IL1RAPL1: variants seen among roughly 807,000 people sequenced by gnomAD.
IL1RAPL1 encodes the protein interleukin-1 receptor accessory protein-like 1.
A neutral mutation model predicts 48.4 loss-of-function variants in IL1RAPL1; 3 were observed. That is an observed-to-expected ratio of 0.06 (90% CI 0.03 to 0.16). IL1RAPL1 has a LOEUF of 0.16. Among genes scored for constraint, IL1RAPL1 ranks in the 10% least tolerant of loss-of-function variants. The pLI, the probability that IL1RAPL1 is intolerant of heterozygous loss-of-function variation, is 1.00. For missense variants in IL1RAPL1, 349 were observed against 530.6 expected, an observed-to-expected ratio of 0.66 and a Z score of 3.36; for synonymous variants, 185 against 187.7, an observed-to-expected ratio of 0.99 and a Z score of 0.12.
intron 1 of IL1RAPL1, among the ~76,000 whole-genome samples, chrX:28,611,235 A>T (rs1934143815): frequency 8.9e-6 from 1 of 112,031 alleles, no homozygotes; most frequent in Non-Finnish European, 1.9e-5. Context: ...AGTTAAGTTC[A>T]GTTCCCAAGG....
chrX:28,684,138 G>A (rs938336657), intron 1 of IL1RAPL1, among the ~76,000 whole-genome samples: 1 of 112,192 alleles, frequency 8.9e-6, no homozygotes, highest in African/African-American at 3.2e-5. Context: ...TGAGGACTTT[G>A]TAGATTTATT....
intron 3 of IL1RAPL1, among the ~76,000 whole-genome samples, chrX:29,298,748 C>T (rs747919912): frequency 2.1e-4 from 23 of 111,784 alleles, no homozygotes; most frequent in African/African-American, 7.5e-4. Context: ...ATTCCTAATT[C>T]AGAACAGCCA....
intron 5 of IL1RAPL1, among the ~76,000 whole-genome samples, chrX:29,562,044 C>CTATA (rs1556037139): frequency 1.0e-5 from 1 of 97,263 alleles, no homozygotes; most frequent in Non-Finnish European, 2.1e-5. Flanking sequence ...TTCTATCTAT[C>CTATA]TATCTATCTA....
rs185433348 is a variant in IL1RAPL1 at position 29,589,366 on chromosome X, A to T, written c.704-79064A>T. On this transcript the variant is annotated intron_variant, in intron 5 of 10. Coordinates refer to ENST00000378993, the MANE Select transcript of IL1RAPL1 (RefSeq NM_014271.4). Reference sequence around the variant, plus strand: ...TGTGTCAGTCACTGCTCTAGGTGCTAGGGATAGAGGAGTAATCCAAACAGG... The same window carrying T: ...TGTGTCAGTCACTGCTCTAGGTGCTTGGGATAGAGGAGTAATCCAAACAGG... 5.5e-3 allele frequency among the ~76,000 whole-genome samples: 619 copies of T among 111,959 alleles called. 8 individuals are homozygous for T. The highest frequency in any genetic ancestry group is 7.2e-3 in the Non-Finnish European group (385 of 53,217).
At chrX:29,143,486 C>T (rs769558773) in intron 2 of IL1RAPL1, among the ~76,000 whole-genome samples, 3 of 111,721 alleles carry the variant, frequency 2.7e-5, no homozygotes, top group South Asian at 3.7e-4. Flanking sequence ...CAGAACCAAA[C>T]GGTGCACGAT....
intron 2 of IL1RAPL1, among the ~76,000 whole-genome samples, chrX:29,134,560 C>T (rs1420032312): frequency 1.8e-5 from 2 of 111,779 alleles, no homozygotes; most frequent in Non-Finnish European, 3.8e-5. Flanking sequence ...GTTATCTCTT[C>T]TCTCAGCAGG....
chrX:29,709,410 C>T (rs889726173), intron 6 of IL1RAPL1, among the ~76,000 whole-genome samples: 1 of 111,671 alleles, frequency 9.0e-6, no homozygotes, highest in Non-Finnish European at 1.9e-5. Context: ...ATCGCCATTT[C>T]CCCATTGTGT....
chrX:28,768,699 CTGTT>C (rs72152921), intron 1 of IL1RAPL1, among the ~76,000 whole-genome samples: 17,945 of 63,985 alleles, frequency 0.28, 3,119 homozygotes, highest in East Asian at 0.36. Flanking sequence ...CTCTCTCTCT[CTGTT>C]TCTCTCTCTC....
At chrX:29,141,885 C>G (rs999083964) in intron 2 of IL1RAPL1, among the ~76,000 whole-genome samples, 2 of 111,703 alleles carry the variant, frequency 1.8e-5, no homozygotes, top group African/African-American at 6.5e-5. Flanking sequence ...CTATCAATAG[C>G]TAGTAAATTC....
intron 5 of IL1RAPL1, among the ~76,000 whole-genome samples, chrX:29,500,128 C>T (rs1359396674): frequency 9.1e-6 from 1 of 110,181 alleles, no homozygotes; most frequent in African/African-American, 3.3e-5. Flanking sequence ...CAGGTGCATG[C>T]CACCACACCT....
chrX:28,980,174 A>T (rs957158230), intron 2 of IL1RAPL1, among the ~76,000 whole-genome samples: 2 of 112,450 alleles, frequency 1.8e-5, no homozygotes, highest in Admixed American at 9.4e-5. Flanking sequence ...TTTCTCCGTC[A>T]CTTGGCTGGA....
intron 5 of IL1RAPL1, among the ~76,000 whole-genome samples, chrX:29,564,867 C>T (rs1411828531): frequency 8.9e-6 from 1 of 112,594 alleles, no homozygotes; most frequent in African/African-American, 3.2e-5. Context: ...CCATGGGTCT[C>T]ACTGGGCTAA....
At chrX:29,178,453 T>C (rs1930073834) in intron 2 of IL1RAPL1, among the ~76,000 whole-genome samples, 1 of 112,299 alleles carries the variant, frequency 8.9e-6, no homozygotes, top group Non-Finnish European at 1.9e-5. Context: ...TTGATTTTTT[T>C]CTTGAAAATT....
intron 5 of IL1RAPL1, among the ~76,000 whole-genome samples, chrX:29,429,894 G>GTGGTGTGTGTGT (rs34694649): frequency 1.3e-4 from 11 of 85,135 alleles, no homozygotes; most frequent in African/African-American, 4.7e-4. Context: ...GTGTGTGTGT[G>GTGGTGTGTGTGT]GTGTGTGTGT....
chrX:28,779,421 C>T (rs1936392867), intron 1 of IL1RAPL1, among the ~76,000 whole-genome samples: 1 of 108,130 alleles, frequency 9.2e-6, no homozygotes, highest in African/African-American at 3.3e-5. Flanking sequence ...TCTTGTTTAG[C>T]AGCCTTGACA....
intron 1 of IL1RAPL1, among the ~76,000 whole-genome samples, chrX:28,719,604 T>G (rs1393355792): frequency 9.0e-6 from 1 of 110,954 alleles, no homozygotes; most frequent in Non-Finnish European, 1.9e-5. Context: ...GAACCTAAAT[T>G]TCTTCATGTA....
intron 5 of IL1RAPL1, among the ~76,000 whole-genome samples, chrX:29,545,739 G>A (rs7058208): frequency 0.052 from 5,833 of 111,669 alleles, 232 homozygotes; most frequent in African/African-American, 0.12. Flanking sequence ...TTGGTGTCGA[G>A]CATTTTTGTA....
rs13340770 is a variant in IL1RAPL1 at position 28,713,794 on chromosome X, T to C, written c.-24-75526T>C. 5.3e-3 allele frequency among the ~76,000 whole-genome samples: 598 copies of C among 111,851 alleles called. 2 individuals carry two copies. The highest frequency in any genetic ancestry group is 0.018 in the African/African-American group (562 of 30,819). On this transcript the variant is annotated intron_variant, in intron 1 of 10. Coordinates refer to ENST00000378993, the MANE Select transcript of IL1RAPL1 (RefSeq NM_014271.4). ...TAGAAAGAAGGCAGCCAATTGTGTCTGTTTACAGACTAAATATGACAAAAA... is the reference window on the plus strand; with the variant it reads ...TAGAAAGAAGGCAGCCAATTGTGTCCGTTTACAGACTAAATATGACAAAAA...
intron 2 of IL1RAPL1, among the ~76,000 whole-genome samples, chrX:28,986,838 T>G (rs1213766778): frequency 1.8e-5 from 2 of 112,100 alleles, no homozygotes; most frequent in Non-Finnish European, 3.8e-5. Context: ...ATTATGATGT[T>G]GGGAAGTAAA....
Sources: gnomAD v4.1 joint callset for allele counts (sites outside exome capture counted in the v4.1 genomes callset) on GRCh38, gnomAD v4.1.1 for gene constraint, MANE v1.5 for transcripts, NCBI Gene and HGNC (gene_info 2026-07-23, HGNC 2026-07-21) for gene names.